The following KDM4B variants were observed in gnomAD, a reference collection of about 807,000 sequenced individuals.
KDM4B encodes the protein lysine-specific demethylase 4B.
Under a neutral mutation model 125.2 loss-of-function variants are expected in KDM4B, and 32 were observed. The observed-to-expected ratio is 0.26, with a 90% CI of 0.19 to 0.34. The LOEUF (loss-of-function observed/expected upper bound fraction) is 0.34. Among genes scored for constraint, KDM4B ranks in the 10% least tolerant of loss-of-function variants. The pLI, the probability that KDM4B is intolerant of heterozygous loss-of-function variation, is 1.00. For missense variants in KDM4B, 1,190 were observed against 1,577.7 expected, an observed-to-expected ratio of 0.75 and a Z score of 4.16; for synonymous variants, 721 against 677.9, an observed-to-expected ratio of 1.06 and a Z score of -0.99.
chr19:5,088,934 G>A (rs905663705), intron 9 of KDM4B, among the ~76,000 whole-genome samples: 7 of 152,160 alleles, frequency 4.6e-5, no homozygotes, highest in East Asian at 1.9e-4. Flanking sequence ...AGGACACCCC[G>A]CTCAGTGAGA....
chr19:5,033,995 G>T (rs866485765), intron 3 of KDM4B, among the ~76,000 whole-genome samples: 1 of 152,076 alleles, frequency 6.6e-6, no homozygotes, highest in South Asian at 2.1e-4. Context: ...GCCAGGCGTG[G>T]TGTTGGTACA....
At position 5,137,691 on chromosome 19, in the gene KDM4B, G is replaced by A. The variant is rs115731262; in HGVS notation, c.2441+15G>A. On this transcript the variant is annotated intron_variant, in intron 17 of 22. Coordinates refer to ENST00000159111, the MANE Select transcript of KDM4B (RefSeq NM_015015.3). ...ACCGATAGGAGGTGGGTGGCACCGCGCGTTGGGGCTGGAGGGCCGGAGGGG... is the reference window on the plus strand; with the variant it reads ...ACCGATAGGAGGTGGGTGGCACCGCACGTTGGGGCTGGAGGGCCGGAGGGG... 1,024 of 1,572,134 alleles carry A rather than the reference G, an allele frequency of 6.5e-4. 4 individuals carry two copies. The African/African-American group carries it at 9.6e-3, about 15-fold the overall frequency.
intron 9 of KDM4B, among the ~76,000 whole-genome samples, chr19:5,085,543 G>A (rs1357589975): frequency 6.6e-6 from 1 of 152,232 alleles, no homozygotes; most frequent in Non-Finnish European, 1.5e-5. Context: ...GTTGGCATTT[G>A]GGAAGTGCAG....
At chr19:5,137,225 G>A in intron 15 of KDM4B, 37 bp from the exon 16 acceptor site, 1 of 1,511,882 alleles carries the variant, frequency 6.6e-7, no homozygotes, top group Non-Finnish European at 9.0e-7. Context: ...AGTCTCACCT[G>A]CCCCCCAGAT....
intron 11 of KDM4B, 117 bp from the exon 12 acceptor site, chr19:5,130,959 C>T: frequency 2.6e-6 from 2 of 758,408 alleles, no homozygotes; most frequent in South Asian, 2.1e-5. Flanking sequence ...CGTGTGGCCT[C>T]TCTGGGTGGA....
chr19:5,036,708 G>A (rs2036638061), intron 3 of KDM4B, among the ~76,000 whole-genome samples: 1 of 152,252 alleles, frequency 6.6e-6, no homozygotes, highest in African/African-American at 2.4e-5. Context: ...CCGGAGGCCT[G>A]GAAGACCCGA....
intron 2 of KDM4B, among the ~76,000 whole-genome samples, chr19:5,031,096 G>C (rs2036439009): frequency 1.3e-5 from 2 of 152,238 alleles, no homozygotes; most frequent in Non-Finnish European, 2.9e-5. Flanking sequence ...GGCTCCCTGG[G>C]GACAGTGCGC....
chr19:5,035,373 C>T lies in KDM4B; in HGVS notation c.141+2342C>T, dbSNP rs113870832. Reference sequence around the variant, plus strand: ...GTTGAGGGGAATCAGCATCTCAGACCGCCCTGCGCTCTTCCGAGGTGCCTT... The same window carrying T: ...GTTGAGGGGAATCAGCATCTCAGACTGCCCTGCGCTCTTCCGAGGTGCCTT... On this transcript the variant is annotated intron_variant, in intron 3 of 22. Coordinates refer to ENST00000159111, the MANE Select transcript of KDM4B (RefSeq NM_015015.3). The surrounding 1 kb of genome is among the most constrained non-coding windows in gnomAD (Gnocchi z 5.3). 3.3e-5 allele frequency among the ~76,000 whole-genome samples: 5 copies of T among 152,054 alleles called. No individual in the cohort carries two copies. Among genetic ancestry groups the T allele is most frequent in the South Asian group, 2.1e-4 (1 of 4,812 alleles).
chr19:5,088,131 G>A (rs767453778), intron 9 of KDM4B, among the ~76,000 whole-genome samples: 6 of 152,194 alleles, frequency 3.9e-5, no homozygotes, highest in East Asian at 1.9e-4. Context: ...CTGTTTCCTC[G>A]TGGGCGGGAT....
At position 5,000,796 on chromosome 19, in the gene KDM4B, G is replaced by A. The variant is rs139500492; in HGVS notation, c.-108-15461G>A. 5.3e-5 allele frequency among the ~76,000 whole-genome samples: 8 copies of A among 152,212 alleles called. No individual in the cohort carries two copies. In the East Asian group the frequency reaches 1.5e-3, roughly 29 times the overall value. ...ACAAGGATTTTCCTCCTCAACTCTT[G>A]CTGATTTTAGTTGCCTGTTGATTGA... On this transcript the variant is annotated intron_variant, in intron 1 of 22. Coordinates refer to ENST00000159111, the MANE Select transcript of KDM4B (RefSeq NM_015015.3).
At chr19:5,098,269 T>C (rs902619227) in intron 9 of KDM4B, among the ~76,000 whole-genome samples, 1 of 152,250 alleles carries the variant, frequency 6.6e-6, no homozygotes, top group Non-Finnish European at 1.5e-5. Context: ...GCATTCAGTA[T>C]GTTTTTTATT....
chr19:5,063,622 A>C (rs2037673052), intron 6 of KDM4B, among the ~76,000 whole-genome samples: 1 of 152,224 alleles, frequency 6.6e-6, no homozygotes, highest in Non-Finnish European at 1.5e-5. Flanking sequence ...TGAAGAGCCA[A>C]GTGCATCTGT....
intron 15 of KDM4B, among the ~76,000 whole-genome samples, chr19:5,136,906 G>A (rs758629899): frequency 2.0e-5 from 3 of 152,186 alleles, no homozygotes; most frequent in Non-Finnish European, 4.4e-5. Flanking sequence ...TCTGGACATA[G>A]CAGGAGGAGC....
chr19:5,121,112 G>A (rs1036128734), intron 11 of KDM4B, among the ~76,000 whole-genome samples: 5 of 152,192 alleles, frequency 3.3e-5, no homozygotes, highest in Admixed American at 1.3e-4. Context: ...CGATGGGGTC[G>A]TGGCCCTCGC....
intron 1 of KDM4B, among the ~76,000 whole-genome samples, chr19:4,980,913 G>A (rs373495267): frequency 2.0e-5 from 3 of 148,106 alleles, no homozygotes; most frequent in South Asian, 4.2e-4. Context: ...AGATGGCCCC[G>A]GGGCAGACAC....
intron 17 of KDM4B, 40 bp from the exon 18 acceptor site, chr19:5,137,922 C>A: frequency 6.5e-7 from 1 of 1,549,604 alleles, no homozygotes; most frequent in Non-Finnish European, 8.8e-7. Context: ...AGCCCAGGTC[C>A]TCAGAGGCGC....
intron 21 of KDM4B, among the ~76,000 whole-genome samples, chr19:5,148,746 G>A (rs1471630952): frequency 1.3e-5 from 2 of 152,316 alleles, no homozygotes; most frequent in African/African-American, 4.8e-5. Context: ...TGGCCACGCC[G>A]GGGGTGGAAA....
In KDM4B at chr19:5,077,371, C is replaced by T. The variant is rs1008743110; in HGVS notation, c.681C>T (p.Phe227=). The T allele has an allele frequency of 1.2e-6, 2 of 1,612,634 alleles. No homozygotes were observed. The highest frequency in any genetic ancestry group is 2.7e-5 in the African/African-American group (2 of 74,950). ...CGTCTGTCTTTTCGGCCCTAGGCTT[C>T]TTCCCCGGGAGCTCGCAGGGCTGCG... ...GKRLERLAIG[F]FPGSSQGCDA... Residue 227 remains phenylalanine (F), a synonymous_variant, in exon 8 of 23, where the codon TTC becomes TTT. Transcript: ENST00000159111.
chr19:5,102,167 C>G (rs146008827), intron 9 of KDM4B, among the ~76,000 whole-genome samples: 1 of 152,174 alleles, frequency 6.6e-6, no homozygotes, highest in Non-Finnish European at 1.5e-5. Flanking sequence ...GGTGGCCGTC[C>G]GTCTGCTCGC....
Sources: allele counts gnomAD v4.1 joint callset (sites outside exome capture counted in the v4.1 genomes callset), GRCh38; gene constraint gnomAD v4.1.1; non-coding constraint Gnocchi (gnomAD v3.1); transcripts MANE v1.5; gene names NCBI Gene and HGNC (gene_info 2026-07-23, HGNC 2026-07-21).